Variants in PPP4R3B observed in about 807,000 individuals in gnomAD.
The protein encoded by PPP4R3B is protein phosphatase 4 regulatory subunit 3B, also known as serine/threonine-protein phosphatase 4 regulatory subunit 3B.
In PPP4R3B, 52 loss-of-function variants were observed where a neutral mutation model predicts 95.4. The ratio of observed to expected loss-of-function variants is 0.54; its 90% CI spans 0.44 to 0.69. The LOEUF (loss-of-function observed/expected upper bound fraction) is 0.69, where lower values mean the gene tolerates loss of function less well. Among genes scored for constraint, PPP4R3B ranks in the 30% least tolerant of loss-of-function variants. PPP4R3B has a pLI of 0.00. For missense variants in PPP4R3B, 1,003 were observed against 1,005.9 expected (o/e 1.00, Z 0.04); for synonymous variants, 407 against 343.9 (o/e 1.18, Z -2.03).
chr2:55,613,354 C>CAAA (rs552114971), intron 2 of PPP4R3B, among the ~76,000 whole-genome samples: 2 of 134,632 alleles, frequency 1.5e-5, no homozygotes, highest in Admixed American at 7.7e-5. Flanking sequence ...GTTATGTTGC[C>CAAA]AAAAAAAAAA....
intron 9 of PPP4R3B, 117 bp from the exon 10 acceptor site, chr2:55,578,459 A>C (rs1333880199): frequency 7.9e-6 from 8 of 1,016,088 alleles, no homozygotes; most frequent in Non-Finnish European, 1.0e-5. Flanking sequence ...AAATGAACAT[A>C]AAAAATGCAT....
At chr2:55,597,547 G>A (rs908028467) in intron 4 of PPP4R3B, among the ~76,000 whole-genome samples, 3 of 152,082 alleles carry the variant, frequency 2.0e-5, no homozygotes, top group Admixed American at 6.6e-5. Flanking sequence ...GCGTGAACCC[G>A]GGAGGCGGAG....
chr2:55,599,053 A>C lies in PPP4R3B; in HGVS notation c.298-14T>G. The C allele has an allele frequency of 6.3e-7, 1 of 1,578,622 alleles. No homozygotes were observed. Among genetic ancestry groups the C allele is most frequent in the Non-Finnish European group, 8.6e-7 (1 of 1,166,918 alleles). On this transcript the variant is annotated splice_polypyrimidine_tract_variant and intron_variant, in intron 3 of 16. Coordinates refer to ENST00000616407, the MANE Select transcript of PPP4R3B (RefSeq NM_001122964.3). ...TTTACCTTGAACCTAAAAATATCCA[A>C]GTATACAGCTAATTACCTTAAAATA...
chr2:55,553,934 G>C (rs763915377), intron 16 of PPP4R3B, among the ~76,000 whole-genome samples: 4 of 152,058 alleles, frequency 2.6e-5, no homozygotes, highest in Non-Finnish European at 5.9e-5. Flanking sequence ...TTTTACAGTG[G>C]ACACATGTTT....
intron 10 of PPP4R3B, among the ~76,000 whole-genome samples, chr2:55,577,800 G>A (rs1216525689): frequency 6.6e-6 from 1 of 151,688 alleles, no homozygotes; most frequent in Non-Finnish European, 1.5e-5. Context: ...TAATGAATGT[G>A]TTTATGCTTT....
At chr2:55,612,617 T>C (rs1003415459) in intron 2 of PPP4R3B, among the ~76,000 whole-genome samples, 1 of 151,988 alleles carries the variant, frequency 6.6e-6, no homozygotes, top group South Asian at 2.1e-4. Context: ...CTGGACAACA[T>C]AACGAGACCC....
chr2:55,608,077 C>T (rs1243931181), intron 2 of PPP4R3B, among the ~76,000 whole-genome samples: 2 of 152,194 alleles, frequency 1.3e-5, no homozygotes, highest in East Asian at 3.8e-4. Flanking sequence ...GCAATCTTGG[C>T]TCACTGCAAC....
chr2:55,551,440 CAG>C (rs1685229442), intron 16 of PPP4R3B, among the ~76,000 whole-genome samples: 1 of 152,102 alleles, frequency 6.6e-6, no homozygotes, highest in Admixed American at 6.5e-5. Flanking sequence ...ATTTAGGCCT[CAG>C]TGAACTATTT....
chr2:55,572,579 G>C (rs1172158852), intron 12 of PPP4R3B, among the ~76,000 whole-genome samples: 1 of 152,116 alleles, frequency 6.6e-6, no homozygotes, highest in Non-Finnish European at 1.5e-5. Context: ...TGAATGCTGG[G>C]ACAATGTCAA....
rs1437729230 is a variant in PPP4R3B at position 55,564,356 on chromosome 2, ATCT to A, written c.2214_2216del (p.Glu738del). 1 of 1,613,280 alleles carries A rather than the reference ATCT, an allele frequency of 6.2e-7. No individual in the cohort carries two copies. The highest frequency in any genetic ancestry group is 8.5e-7 in the Non-Finnish European group (1 of 1,179,804). Reference sequence around the variant, plus strand: ...ACTTTTCATAATTATCTGGAAAATCATCTTCTGGCTTAGGTTTTTCCACTGGTG... The same window carrying A: ...ACTTTTCATAATTATCTGGAAAATCATCTGGCTTAGGTTTTTCCACTGGTG... On this transcript the variant is annotated inframe_deletion, in exon 15 of 17. Transcript: ENST00000616407.
chr2:55,610,342 A>G (rs1253778202), intron 2 of PPP4R3B, among the ~76,000 whole-genome samples: 1 of 152,180 alleles, frequency 6.6e-6, no homozygotes, highest in African/African-American at 2.4e-5. Context: ...TAAACACAGT[A>G]TCACTTTAGG....
chr2:55,560,006 C>T (rs899089234), intron 15 of PPP4R3B, among the ~76,000 whole-genome samples: 2 of 151,996 alleles, frequency 1.3e-5, no homozygotes, highest in African/African-American at 4.8e-5. Flanking sequence ...CCTATAATCC[C>T]AGCTGCTCTG....
At chr2:55,570,930 T>G (rs1442326059) in intron 12 of PPP4R3B, among the ~76,000 whole-genome samples, 1 of 152,222 alleles carries the variant, frequency 6.6e-6, no homozygotes, top group Non-Finnish European at 1.5e-5. Flanking sequence ...ACACTGCTGG[T>G]AAATGAACTG....
intron 16 of PPP4R3B, among the ~76,000 whole-genome samples, chr2:55,552,846 G>A (rs1685401636): frequency 6.6e-6 from 1 of 152,192 alleles, no homozygotes; most frequent in African/African-American, 2.4e-5. Flanking sequence ...CAGAGGCAAG[G>A]CAAGTCATAC....
In PPP4R3B at chr2:55,577,467, C is replaced by G. The variant is rs571520793; in HGVS notation, c.1565-111G>C. 1.4e-5 allele frequency: 15 copies of G among 1,092,818 alleles called. 1 individual carries two copies. In the South Asian group the frequency reaches 4.9e-4, roughly 36 times the overall value. The allele number at this position is 1,092,818 out of a possible 1,614,324, so 67.7% of individuals were successfully genotyped here. A position where few individuals can be genotyped will look rare whatever the true frequency, so the allele number is the denominator to read the frequency against. On this transcript the variant is annotated intron_variant, in intron 10 of 16. Transcript: ENST00000616407. ...TCTTCAATCATAATCTCCTTTTACCCTCAAAATAACCATAAAGACTTGGTT... is the reference window on the plus strand; with the variant it reads ...TCTTCAATCATAATCTCCTTTTACCGTCAAAATAACCATAAAGACTTGGTT...
intron 3 of PPP4R3B, among the ~76,000 whole-genome samples, chr2:55,599,736 GTC>G (rs1692288236): frequency 2.0e-5 from 3 of 152,090 alleles, no homozygotes; most frequent in Non-Finnish European, 4.4e-5. Context: ...TAATCCTATC[GTC>G]ATCCCTTACA....
At chr2:55,601,836 T>C (rs1692659676) in intron 3 of PPP4R3B, among the ~76,000 whole-genome samples, 1 of 152,252 alleles carries the variant, frequency 6.6e-6, no homozygotes, top group South Asian at 2.1e-4. Flanking sequence ...ATAATACTGA[T>C]ATTGATGATC....
At chr2:55,570,308 TA>T (rs1687847503) in intron 12 of PPP4R3B, among the ~76,000 whole-genome samples, 1 of 152,194 alleles carries the variant, frequency 6.6e-6, no homozygotes, top group Admixed American at 6.5e-5. Flanking sequence ...ATCATTCTCT[TA>T]TGTACCAATT....
Position 55,585,361 on chromosome 2 carries a change from T to C in PPP4R3B, c.1117-194A>G, listed in dbSNP as rs370507302. On this transcript the variant is annotated intron_variant, in intron 6 of 16. Coordinates refer to ENST00000616407, the MANE Select transcript of PPP4R3B (RefSeq NM_001122964.3). The stretch of plus-strand genomic sequence containing the variant: ...ATATTAAAACTTTCAGGCAATTCAA[T>C]GATTAGTTTCTGCTGATTTTTACCA... 1.2e-4 allele frequency among the ~76,000 whole-genome samples: 18 copies of C among 152,326 alleles called. No individual in the cohort carries two copies. In the South Asian group the frequency reaches 3.3e-3, roughly 28 times the overall value.
Sources: gnomAD v4.1 joint callset for allele counts (sites outside exome capture counted in the v4.1 genomes callset) on GRCh38, gnomAD v4.1.1 for gene constraint, MANE v1.5 for transcripts, NCBI Gene and HGNC (gene_info 2026-07-23, HGNC 2026-07-21) for gene names.